The following AAGAB variants were observed in gnomAD, a reference collection of about 807,000 sequenced individuals.
AAGAB encodes the protein alpha and gamma adaptin binding protein.
In AAGAB, 38 loss-of-function variants were observed where a neutral mutation model predicts 44.1. The observed-to-expected ratio is 0.86, with a 90% confidence interval of 0.67 to 1.13. The LOEUF is 1.13. AAGAB is among the 50% of genes most tolerant of loss of function. AAGAB has a pLI of 0.00. For missense variants in AAGAB, 450 were observed against 373.8 expected (o/e 1.20, Z -1.68); for synonymous variants, 131 against 131.8 (o/e 0.99, Z 0.04).
At chr15:67,211,470 G>C (rs72625777) in intron 5 of AAGAB, among the ~76,000 whole-genome samples, 32,818 of 152,120 alleles carry the variant, frequency 0.22, 4,206 homozygotes, top group East Asian at 0.48. Flanking sequence ...AGTTTCAGAG[G>C]CTAAGTATGT....
At chr15:67,243,827 T>C (rs1276712424) in intron 1 of AAGAB, among the ~76,000 whole-genome samples, 5 of 152,264 alleles carry the variant, frequency 3.3e-5, no homozygotes, top group Non-Finnish European at 5.9e-5. Flanking sequence ...CTTCCATTTA[T>C]ATCTAATAAA....
chr15:67,251,172 C>T (rs1442090677), intron 1 of AAGAB, among the ~76,000 whole-genome samples: 1 of 152,056 alleles, frequency 6.6e-6, no homozygotes, highest in Non-Finnish European at 1.5e-5. Flanking sequence ...TCCATGCATG[C>T]ACTTTATGCA....
In AAGAB at chr15:67,202,744, A is replaced by G; in HGVS notation, c.*77T>C. 2 of 1,509,260 alleles carry G rather than the reference A, an allele frequency of 1.3e-6. No individual in the cohort carries two copies. Among genetic ancestry groups the G allele is most frequent in the Non-Finnish European group, 1.8e-6 (2 of 1,086,652 alleles). 93.5% of individuals were successfully genotyped at this position (1,509,260 alleles called of 1,614,324 possible). On this transcript the variant is annotated 3_prime_UTR_variant, in exon 10 of 10. Coordinates refer to ENST00000261880, the MANE Select transcript of AAGAB (RefSeq NM_024666.5). ...CAACATGATAAGGGCAATTTTGGCA[A>G]AATATGACTGGGCTGAGTAGAGAGG...
At chr15:67,223,989 C>T (rs1446638218) in intron 5 of AAGAB, among the ~76,000 whole-genome samples, 2 of 152,190 alleles carry the variant, frequency 1.3e-5, no homozygotes, top group Non-Finnish European at 2.9e-5. Context: ...TACCTTGAAC[C>T]ACCTTATTTA....
At chr15:67,215,743 C>T (rs1023843023) in intron 5 of AAGAB, among the ~76,000 whole-genome samples, 11 of 152,216 alleles carry the variant, frequency 7.2e-5, no homozygotes, top group Non-Finnish European at 1.5e-4. Context: ...AATGATTTCA[C>T]TAGCATCAGA....
In AAGAB at chr15:67,236,431, A is replaced by G. The variant is rs1964466966; in HGVS notation, c.338T>C (p.Val113Ala). The G allele has an allele frequency of 6.2e-7, 1 of 1,614,164 alleles. No homozygotes were observed. Among genetic ancestry groups the G allele is most frequent in the Non-Finnish European group, 8.5e-7 (1 of 1,180,004 alleles). ...KAWLPEVMIL[V>A]CDRVSEDGIN... ...ACCATCTTCAGACACTCTATCGCAG[A>G]CCAAGATCATCACCTCAGGTAACCA... The change falls in exon 3 of 10, where the codon GTC becomes GCC. Residue 113 changes from valine to alanine, a missense_variant. Val to Ala is a moderately conservative substitution (Grantham distance 64). Coordinates refer to ENST00000261880, the MANE Select transcript of AAGAB (RefSeq NM_024666.5).
chr15:67,216,700 A>G (rs1963959253), intron 5 of AAGAB, among the ~76,000 whole-genome samples: 1 of 152,062 alleles, frequency 6.6e-6, no homozygotes, highest in African/African-American at 2.4e-5. Context: ...ACACTCTTGA[A>G]AATCCTAAAA....
intron 5 of AAGAB, among the ~76,000 whole-genome samples, chr15:67,228,417 T>C (rs1037403679): frequency 6.6e-6 from 1 of 152,188 alleles, no homozygotes; most frequent in African/African-American, 2.4e-5. Flanking sequence ...AACAGAGAGA[T>C]AACCACATAA....
intron 5 of AAGAB, chr15:67,220,644 C>A (rs1400890363): frequency 6.6e-6 from 1 of 152,154 alleles, no homozygotes; most frequent in Non-Finnish European, 1.5e-5. Flanking sequence ...CAAAATAATG[C>A]TCCTTATTAA....
intron 1 of AAGAB, among the ~76,000 whole-genome samples, chr15:67,248,040 A>C (rs1391910578): frequency 1.3e-5 from 2 of 152,198 alleles, no homozygotes; most frequent in African/African-American, 4.8e-5. Flanking sequence ...AGCTTTACTG[A>C]ACTTTAACTT....
chr15:67,254,461 C>G, intron 1 of AAGAB, 98 bp downstream of exon 1: 3 of 1,471,800 alleles, frequency 2.0e-6, no homozygotes, highest in South Asian at 1.3e-5. Context: ...ACGCAGGGCC[C>G]GCTGCGGGGA....
intron 6 of AAGAB, 40 bp from the exon 7 acceptor site, chr15:67,208,698 G>C (rs1963740668): frequency 1.3e-6 from 2 of 1,569,234 alleles, no homozygotes; most frequent in Non-Finnish European, 1.8e-6. Context: ...TTTAATCGTA[G>C]TCTATTTCAG....
chr15:67,253,609 C>T (rs886401933), intron 1 of AAGAB, among the ~76,000 whole-genome samples: 3 of 151,792 alleles, frequency 2.0e-5, no homozygotes, highest in Non-Finnish European at 4.4e-5. Flanking sequence ...AAAAAATTAG[C>T]CAGGGTTCGT....
At chr15:67,255,055 G>T, upstream of AAGAB, 1 of 1,098,810 alleles carries the variant, frequency 9.1e-7, no homozygotes, top group Non-Finnish European at 1.4e-6. Context: ...GCCGCCCCTA[G>T]ACTCCCTCCA....
At chr15:67,222,242 G>GCGCGCACACACA (rs1367738219) in intron 5 of AAGAB, among the ~76,000 whole-genome samples, 78 of 90,126 alleles carry the variant, frequency 8.7e-4, no homozygotes, top group African/African-American at 1.1e-3. Context: ...GCGCGCGCGC[G>GCGCGCACACACA]CACACACACA....
chr15:67,201,010 T>C lies in AAGAB; in HGVS notation c.*1811A>G, dbSNP rs1009357859. Reference sequence around the variant, plus strand: ...CTAATAAAAAACCACAAAATCATAATAATAGACATTAGCACAGTTTATAAA... The same window carrying C: ...CTAATAAAAAACCACAAAATCATAACAATAGACATTAGCACAGTTTATAAA... On this transcript the variant is annotated 3_prime_UTR_variant, in exon 10 of 10. Transcript: ENST00000261880. 3 of 152,336 alleles carry C rather than the reference T, an allele frequency of 2.0e-5. No individual in the cohort carries two copies. Among genetic ancestry groups the C allele is most frequent in the Non-Finnish European group, 4.4e-5 (3 of 68,028 alleles). 9.4% of individuals were successfully genotyped at this position (152,336 alleles called of 1,614,324 possible). A position where few individuals can be genotyped will look rare whatever the true frequency, so the allele number is the denominator to read the frequency against.
intron 2 of AAGAB, 57 bp from the exon 3 acceptor site, chr15:67,236,561 A>G: frequency 6.2e-7 from 1 of 1,603,820 alleles, no homozygotes; most frequent in Non-Finnish European, 8.5e-7. Context: ...GTCAGACAAA[A>G]TGTAATGGGA....
At chr15:67,220,930 C>T (rs763495004) in intron 5 of AAGAB, 58 of 152,092 alleles carry the variant, frequency 3.8e-4, no homozygotes, top group Admixed American at 3.5e-3. Flanking sequence ...TTCAGTAAGG[C>T]CTTCATTTTA....
chr15:67,241,843 T>C (rs571695197), intron 1 of AAGAB, among the ~76,000 whole-genome samples: 1 of 152,130 alleles, frequency 6.6e-6, no homozygotes, highest in Non-Finnish European at 1.5e-5. Flanking sequence ...GTTAGTAAGA[T>C]ACATTACAAT....
Sources: gnomAD v4.1 joint callset for allele counts (sites outside exome capture counted in the v4.1 genomes callset) on GRCh38, gnomAD v4.1.1 for gene constraint, MANE v1.5 for transcripts, NCBI Gene and HGNC (gene_info 2026-07-23, HGNC 2026-07-21) for gene names.